Variants in HERC3 observed in about 807,000 individuals in gnomAD.
HERC3 encodes probable E3 ubiquitin-protein ligase HERC3.
A neutral mutation model predicts 129.9 loss-of-function variants in HERC3; 58 were observed. The observed-to-expected ratio is 0.45, with a 90% CI of 0.36 to 0.56. The LOEUF (loss-of-function observed/expected upper bound fraction) is 0.56, where lower values mean the gene tolerates loss of function less well. Among genes scored for constraint, HERC3 ranks in the 20% least tolerant of loss-of-function variants. The pLI is 0.00. For missense variants in HERC3, 835 were observed against 1,244.2 expected (o/e 0.67, Z 4.95); for synonymous variants, 430 against 451.0 (o/e 0.95, Z 0.59).
chr4:88,577,051 A>G, the HERC3 span, among the ~76,000 whole-genome samples: 1 of 152,126 alleles, frequency 6.6e-6, no homozygotes, highest in Non-Finnish European at 1.5e-5. Flanking sequence ...CTGCTGCTAT[A>G]GATTGGTAGA....
chr4:88,673,874 C>T (rs925952514), intron 16 of HERC3, among the ~76,000 whole-genome samples: 4 of 152,196 alleles, frequency 2.6e-5, no homozygotes, highest in Non-Finnish European at 2.9e-5. Flanking sequence ...CCATCCTTTG[C>T]CTTCCTTAGA....
Position 88,605,900 on chromosome 4 carries a change from A to T in HERC3, c.77A>T (p.Gln26Leu). Residue 26 changes from glutamine (Q) to leucine (L), a missense_variant, in exon 3 of 26, where the codon CAG becomes CTG. Gln to Leu is a moderately radical substitution (Grantham distance 113). Coordinates refer to ENST00000402738, the MANE Select transcript of HERC3 (RefSeq NM_014606.3). Reference protein sequence around the residue: ...TNLQGIVAEPQVCGFISDRSV... With the variant: ...TNLQGIVAEPLVCGFISDRSV... ...CTGCAGGGAATTGTGGCTGAGCCCC[A>T]GGTGTGTGGGTTCATATCTGACAGA... The T allele has an allele frequency of 3.7e-6, 6 of 1,614,198 alleles. No homozygotes were observed. Among genetic ancestry groups the T allele is most frequent in the Non-Finnish European group, 5.1e-6 (6 of 1,180,040 alleles).
intron 9 of HERC3, among the ~76,000 whole-genome samples, chr4:88,658,083 A>G (rs1244981017): frequency 6.6e-6 from 1 of 152,202 alleles, no homozygotes; most frequent in African/African-American, 2.4e-5. Context: ...CACATGCTGA[A>G]TTGTTACCAT....
At chr4:88,705,711 G>T (rs1735719438) in intron 25 of HERC3, among the ~76,000 whole-genome samples, 1 of 152,210 alleles carries the variant, frequency 6.6e-6, no homozygotes, top group Admixed American at 6.5e-5. Flanking sequence ...ATCAGCGTCA[G>T]AAATTAGCTA....
At chr4:88,655,785 C>A in intron 8 of HERC3, 90 bp from the exon 9 acceptor site, 1 of 1,321,222 alleles carries the variant, frequency 7.6e-7, no homozygotes, top group Non-Finnish European at 1.1e-6. Context: ...GCACCCTGTG[C>A]TGTGCACATG....
Position 88,669,895 on chromosome 4 carries a change from A to C in HERC3, c.1669A>C (p.Met557Leu), listed in dbSNP as rs368032010. 5 of 1,613,668 alleles carry C rather than the reference A, an allele frequency of 3.1e-6. No homozygotes were observed. In the African/African-American group the frequency reaches 5.3e-5, roughly 17 times the overall value. Residue 557 changes from methionine to leucine, a missense_variant, in exon 15 of 26, where the codon ATG (methionine) becomes CTG (leucine). Physicochemically the swap from Met to Leu is conservative, Grantham distance 15. Coordinates refer to ENST00000402738, the MANE Select transcript of HERC3 (RefSeq NM_014606.3). ...GTCTCAGGTATGCCCGAAATATTTC[A>C]TGAAGCTGGTAAACCTCTATAAAGG... ...WWSQVCPKYF[M>L]KLVNLYKGAV...
the HERC3 span, among the ~76,000 whole-genome samples, chr4:88,531,083 C>A: frequency 6.6e-6 from 1 of 152,102 alleles, no homozygotes; most frequent in African/African-American, 2.4e-5. Context: ...GTCTTGAACT[C>A]CTGGCCTCAG....
chr4:88,630,085 A>C (rs1726572083), intron 3 of HERC3, among the ~76,000 whole-genome samples: 1 of 152,166 alleles, frequency 6.6e-6, no homozygotes, highest in Non-Finnish European at 1.5e-5. Flanking sequence ...GTAGATTTTT[A>C]TTCTGAGTGA....
chr4:88,653,066 C>T lies in HERC3; in HGVS notation c.661C>T (p.Gln221Ter). The T allele has an allele frequency of 6.2e-7, 1 of 1,614,176 alleles. No homozygotes were observed. The highest frequency in any genetic ancestry group is 8.5e-7 in the Non-Finnish European group (1 of 1,180,022). The part of the protein sequence containing the change: ...VFGWGMNNAG[Q>*]LGLSDEKDRE... ...TGGCTGGGGGATGAATAATGCCGGG[C>T]AGCTAGGGCTCAGTGATGAAAAAGG... The change falls in exon 6 of 26, where the codon CAG (glutamine) becomes TAG (stop). Residue 221 changes from glutamine to a stop codon, truncating the protein, a stop_gained. Transcript: ENST00000402738. LOFTEE classifies it high-confidence loss of function.
At chr4:88,594,054 C>T (rs1413287122) in intron 1 of HERC3, among the ~76,000 whole-genome samples, 3 of 152,172 alleles carry the variant, frequency 2.0e-5, no homozygotes, top group African/African-American at 7.2e-5. Flanking sequence ...AGGTTAGAAA[C>T]CTCTTTGGCA....
At chr4:88,578,418 C>T in the HERC3 span, among the ~76,000 whole-genome samples, 1 of 151,886 alleles carries the variant, frequency 6.6e-6, no homozygotes, top group Non-Finnish European at 1.5e-5. Flanking sequence ...CCCATCTCTA[C>T]TAAAAATACA....
intron 3 of HERC3, among the ~76,000 whole-genome samples, chr4:88,635,310 G>T (rs188974002): frequency 2.0e-5 from 3 of 151,930 alleles, no homozygotes; most frequent in Non-Finnish European, 4.4e-5. Flanking sequence ...GAACGTAAAC[G>T]ACCTGATGAA....
chr4:88,549,053 C>T, the HERC3 span, among the ~76,000 whole-genome samples: 3 of 152,268 alleles, frequency 2.0e-5, no homozygotes, highest in East Asian at 3.9e-4. Flanking sequence ...ATCTAAGAAA[C>T]TATTGCCTAA....
the HERC3 span, chr4:88,525,036 C>A: frequency 1.4e-5 from 2 of 147,842 alleles, no homozygotes; most frequent in African/African-American, 5.0e-5. Context: ...TTAAAAAAAA[C>A]AGTTTATTTT....
intron 3 of HERC3, among the ~76,000 whole-genome samples, chr4:88,611,699 A>G (rs1724341653): frequency 6.6e-6 from 1 of 152,184 alleles, no homozygotes; most frequent in Non-Finnish European, 1.5e-5. Flanking sequence ...CCAAGTGGCA[A>G]ACTTAAGTTT....
At chr4:88,576,939 T>G in the HERC3 span, among the ~76,000 whole-genome samples, 4 of 152,206 alleles carry the variant, frequency 2.6e-5, no homozygotes, top group African/African-American at 4.8e-5. Context: ...TTCTCAAATT[T>G]ATCTGGAATT....
chr4:88,587,457 T>C (rs1721561486), upstream of HERC3, among the ~76,000 whole-genome samples: 1 of 152,240 alleles, frequency 6.6e-6, no homozygotes, highest in South Asian at 2.1e-4. Flanking sequence ...ACATACCATG[T>C]AATGTCACTG....
At chr4:88,691,050 GT>G (rs1311834842) in intron 23 of HERC3, among the ~76,000 whole-genome samples, 49 of 152,310 alleles carry the variant, frequency 3.2e-4, no homozygotes, top group African/African-American at 1.2e-3. Flanking sequence ...ATAGAGCTAA[GT>G]TTGGAAGCCT....
the HERC3 span, among the ~76,000 whole-genome samples, chr4:88,529,317 G>A: frequency 1.3e-5 from 2 of 152,090 alleles, no homozygotes; most frequent in Non-Finnish European, 2.9e-5. Flanking sequence ...TAAAAAAGTT[G>A]GCTATGGCAG....
Sources: gnomAD v4.1 joint callset for allele counts (sites outside exome capture counted in the v4.1 genomes callset) on GRCh38, gnomAD v4.1.1 for gene constraint, MANE v1.5 for transcripts, NCBI Gene and HGNC (gene_info 2026-07-23, HGNC 2026-07-21) for gene names.